Variants in HS3ST4 observed in about 807,000 individuals in gnomAD.
The protein encoded by HS3ST4 is heparan sulfate-glucosamine 3-sulfotransferase 4.
Under a neutral mutation model 29.2 loss-of-function variants are expected in HS3ST4, and 17 were observed. The ratio of observed to expected loss-of-function variants is 0.58; its 90% CI spans 0.40 to 0.87. The LOEUF (loss-of-function observed/expected upper bound fraction) is 0.87, where lower values mean the gene tolerates loss of function less well. Among genes scored for constraint, HS3ST4 ranks in the 40% least tolerant of loss-of-function variants. The pLI is 0.00. For synonymous variants in HS3ST4, 314 were observed against 285.7 expected (o/e 1.10, Z -1.00); for missense variants, 627 against 634.5 (o/e 0.99, Z 0.13).
chr16:25,910,900 C>G (rs13334917), intron 1 of HS3ST4, among the ~76,000 whole-genome samples: 10,638 of 152,142 alleles, frequency 0.07, 739 homozygotes, highest in Admixed American at 0.19. Flanking sequence ...TTCATTCTAT[C>G]CCAGGAGCTT....
chr16:25,834,520 G>A (rs1265134329), intron 1 of HS3ST4, among the ~76,000 whole-genome samples: 1 of 152,200 alleles, frequency 6.6e-6, no homozygotes, highest in Non-Finnish European at 1.5e-5. Flanking sequence ...AATCAATGTT[G>A]AGAGATGAAA....
Position 25,692,912 on chromosome 16 carries a change from C to A in HS3ST4, c.495C>A (p.Ser165Arg). Residue 165 changes from serine to arginine, a missense_variant, in exon 1 of 2, where the codon AGC (serine) becomes AGA (arginine). Coordinates refer to ENST00000331351, the MANE Select transcript of HS3ST4 (RefSeq NM_006040.3). The part of the protein sequence containing the change: ...ALPEREAQES[S>R]TTDEDLAGRR... ...CGGAGAGGGAAGCGCAGGAGTCCAG[C>A]ACCACCGACGAGGATCTCGCAGGCC... 6.3e-7 allele frequency: 1 copy of A among 1,597,742 alleles called. No individual in the cohort carries two copies. The highest frequency in any genetic ancestry group is 1.7e-5 in the Admixed American group (1 of 57,654).
chr16:25,769,749 C>T (rs184485317), intron 1 of HS3ST4, among the ~76,000 whole-genome samples: 57 of 152,242 alleles, frequency 3.7e-4, no homozygotes, highest in Non-Finnish European at 5.7e-4. Flanking sequence ...TAATTGATTC[C>T]GCTCCTAGAT....
intron 1 of HS3ST4, among the ~76,000 whole-genome samples, chr16:25,802,633 G>A (rs1966950103): frequency 6.6e-6 from 1 of 152,044 alleles, no homozygotes; most frequent in Non-Finnish European, 1.5e-5. Context: ...AATCACTGTA[G>A]AATTTTATTT....
intron 1 of HS3ST4, among the ~76,000 whole-genome samples, chr16:26,015,975 C>T (rs556477535): frequency 7.9e-5 from 12 of 152,174 alleles, no homozygotes; most frequent in East Asian, 1.9e-4. Flanking sequence ...TAGTGGATGA[C>T]GTCAGAGATG....
At chr16:25,808,241 A>G (rs1025123074) in intron 1 of HS3ST4, among the ~76,000 whole-genome samples, 7 of 152,212 alleles carry the variant, frequency 4.6e-5, no homozygotes, top group Non-Finnish European at 1.0e-4. Flanking sequence ...TTTTTATTCT[A>G]AAAGTGTTAT....
intron 1 of HS3ST4, among the ~76,000 whole-genome samples, chr16:25,705,972 T>C (rs2141582713): frequency 6.6e-6 from 1 of 152,334 alleles, no homozygotes; most frequent in South Asian, 2.1e-4. Flanking sequence ...CCTGGAATGT[T>C]GCAGTCCAGG....
intron 1 of HS3ST4, among the ~76,000 whole-genome samples, chr16:25,824,308 C>T (rs1256508427): frequency 6.6e-6 from 1 of 152,188 alleles, no homozygotes; most frequent in Admixed American, 6.5e-5. Flanking sequence ...ACATTGCCAG[C>T]ACAGCACTCT....
chr16:25,862,421 G>C (rs1967647578), intron 1 of HS3ST4, among the ~76,000 whole-genome samples: 3 of 152,136 alleles, frequency 2.0e-5, no homozygotes, highest in African/African-American at 4.8e-5. Flanking sequence ...TCGAACTCTT[G>C]ACCTCAAGTG....
chr16:26,097,333 T>C (rs917118916), intron 1 of HS3ST4, among the ~76,000 whole-genome samples: 4 of 152,188 alleles, frequency 2.6e-5, no homozygotes, highest in African/African-American at 7.2e-5. Context: ...CTTCAAACTA[T>C]ACTACAAGGC....
At chr16:25,836,019 T>C (rs1967352816) in intron 1 of HS3ST4, among the ~76,000 whole-genome samples, 2 of 152,044 alleles carry the variant, frequency 1.3e-5, no homozygotes, top group African/African-American at 2.4e-5. Context: ...ATCATAGTCA[T>C]GTCCAGACCA....
intron 1 of HS3ST4, among the ~76,000 whole-genome samples, chr16:26,030,254 A>T (rs958778821): frequency 1.3e-5 from 2 of 152,204 alleles, no homozygotes; most frequent in Non-Finnish European, 2.9e-5. Flanking sequence ...ACCTGTAAAA[A>T]GGAAATAGCT....
At chr16:25,791,737 A>T (rs965274635) in intron 1 of HS3ST4, among the ~76,000 whole-genome samples, 2 of 152,100 alleles carry the variant, frequency 1.3e-5, no homozygotes, top group Non-Finnish European at 2.9e-5. Context: ...TGATTTGGAT[A>T]TTGGCCAGAT....
rs34729954 is a variant in HS3ST4 at position 25,788,540 on chromosome 16, C to CTTTTTTTTTTTTTTTTTTTT, written c.734+95392_734+95393insTTTTTTTTTTTTTTTTTTTT. Among the ~76,000 whole-genome samples the CTTTTTTTTTTTTTTTTTTTT allele has an allele frequency of 2.3e-4, 23 of 99,054 alleles. 1 individual carries two copies. The highest frequency in any genetic ancestry group is 3.8e-4 in the Non-Finnish European group (20 of 52,382). 65.0% of individuals were successfully genotyped at this position (99,054 alleles called of 152,430 possible). On this transcript the variant is annotated intron_variant, in intron 1 of 1. Transcript: ENST00000331351. Reference sequence around the variant, plus strand: ...TTCCTACATTTTTTTTTCTTTTCTTCTTTCTTTTTTTTTTTTTTTTGACAG... The same window carrying CTTTTTTTTTTTTTTTTTTTT: ...TTCCTACATTTTTTTTTCTTTTCTTCTTTTTTTTTTTTTTTTTTTTTTTCTTTTTTTTTTTTTTTTGACAG...
chr16:26,122,951 G>A (rs969521355), intron 1 of HS3ST4, among the ~76,000 whole-genome samples: 13 of 152,004 alleles, frequency 8.6e-5, no homozygotes, highest in Admixed American at 3.3e-4. Context: ...CTACTCGGGA[G>A]GCTAAGGCAG....
intron 1 of HS3ST4, among the ~76,000 whole-genome samples, chr16:25,779,400 A>G (rs1253186732): frequency 4.6e-5 from 7 of 152,238 alleles, no homozygotes; most frequent in African/African-American, 4.8e-5. Context: ...GTGGCTGAGT[A>G]GGATCCAAGG....
intron 1 of HS3ST4, among the ~76,000 whole-genome samples, chr16:26,027,041 C>G (rs1212930723): frequency 6.6e-6 from 1 of 152,200 alleles, no homozygotes; most frequent in Non-Finnish European, 1.5e-5. Context: ...CAGAGTACCC[C>G]TGCTTATAAA....
chr16:25,715,275 T>A (rs567352868), intron 1 of HS3ST4, among the ~76,000 whole-genome samples: 1 of 136,690 alleles, frequency 7.3e-6, no homozygotes, highest in Admixed American at 8.4e-5. Flanking sequence ...TGAGCCGAGA[T>A]CGCGCCACTG....
At chr16:25,967,705 TG>T (rs1380875013) in intron 1 of HS3ST4, among the ~76,000 whole-genome samples, 1 of 152,158 alleles carries the variant, frequency 6.6e-6, no homozygotes. Context: ...AATCACCTCC[TG>T]GACTCAAGTG....
Sources: allele counts gnomAD v4.1 joint callset (sites outside exome capture counted in the v4.1 genomes callset), GRCh38; gene constraint gnomAD v4.1.1; transcripts MANE v1.5; gene names NCBI Gene and HGNC (gene_info 2026-07-23, HGNC 2026-07-21).